Variants in EYS observed in about 807,000 individuals in gnomAD.
EYS encodes the protein EGF-like photoreceptor maintenance factor.
EYS carries 250 observed loss-of-function variants against 282.1 expected under a neutral mutation model. That is an observed-to-expected ratio of 0.89 (90% CI 0.80 to 0.98). The LOEUF (loss-of-function observed/expected upper bound fraction) is 0.98, where lower values mean the gene tolerates loss of function less well. EYS is among the 50% of genes least tolerant of loss of function. EYS has a pLI of 0.00. For synonymous variants in EYS, 1,355 were observed against 1,282.9 expected (o/e 1.06, Z -1.20); for missense variants, 4,016 against 3,709.0 (o/e 1.08, Z -2.15).
intron 12 of EYS, among the ~76,000 whole-genome samples, chr6:65,262,960 C>T (rs1767657123): frequency 6.6e-6 from 1 of 152,082 alleles, no homozygotes; most frequent in Admixed American, 6.6e-5. Flanking sequence ...TAACTCGGGT[C>T]TGTTATGAAG....
chr6:63,753,119 T>C (rs939837991), intron 41 of EYS, among the ~76,000 whole-genome samples: 1 of 112,494 alleles, frequency 8.9e-6, no homozygotes, highest in African/African-American at 3.5e-5. Context: ...CTAAAAAATA[T>C]GTGTGTGTAT....
intron 35 of EYS, among the ~76,000 whole-genome samples, chr6:63,982,785 G>T (rs1283416729): frequency 6.6e-6 from 1 of 151,786 alleles, no homozygotes; most frequent in Admixed American, 6.6e-5. Context: ...CCATAGTAGG[G>T]TATGTTCACC....
chr6:64,513,884 T>C (rs1172971318), intron 26 of EYS, among the ~76,000 whole-genome samples: 1 of 151,848 alleles, frequency 6.6e-6, no homozygotes, highest in Non-Finnish European at 1.5e-5. Flanking sequence ...ATTCTATCTT[T>C]GTAAAAGAGG....
chr6:64,929,534 G>A (rs1240223105), intron 15 of EYS, among the ~76,000 whole-genome samples: 16 of 151,952 alleles, frequency 1.1e-4, no homozygotes, highest in Admixed American at 1.1e-3. Flanking sequence ...TTATCAAAAA[G>A]CAATTTTACT....
At chr6:63,948,840 C>A (rs922317716) in intron 35 of EYS, among the ~76,000 whole-genome samples, 9 of 152,042 alleles carry the variant, frequency 5.9e-5, no homozygotes, top group Admixed American at 1.3e-4. Context: ...TAATTATTTA[C>A]ATACTGTATA....
chr6:65,437,240 C>A (rs1400581200), intron 5 of EYS, among the ~76,000 whole-genome samples: 1 of 151,978 alleles, frequency 6.6e-6, no homozygotes, highest in Non-Finnish European at 1.5e-5. Context: ...CTAACAACTG[C>A]AGTTATGGGT....
At chr6:64,020,606 G>A (rs1769142903) in intron 33 of EYS, among the ~76,000 whole-genome samples, 1 of 152,112 alleles carries the variant, frequency 6.6e-6, no homozygotes, top group Non-Finnish European at 1.5e-5. Context: ...CCTTTCACAT[G>A]TGATATTTTA....
At chr6:64,631,255 G>A (rs914256980) in intron 22 of EYS, 8 of 152,160 alleles carry the variant, frequency 5.3e-5, no homozygotes, top group African/African-American at 1.7e-4. Flanking sequence ...AAAAGAGTTA[G>A]TTTAACTGCT....
chr6:64,802,160 A>T lies in EYS; in HGVS notation c.3443+11218T>A, dbSNP rs545844100. 2.7e-5 allele frequency among the ~76,000 whole-genome samples: 4 copies of T among 149,516 alleles called. No homozygotes were observed. In the South Asian group the frequency reaches 8.5e-4, roughly 32 times the overall value. On this transcript the variant is annotated intron_variant, in intron 22 of 42. Transcript: ENST00000503581. Reference sequence around the variant, plus strand: ...GCCATTCTCCTGCCTCAGCCTCCTGAGTAGCTGGGACTACAGGCGCCCACC... The same window carrying T: ...GCCATTCTCCTGCCTCAGCCTCCTGTGTAGCTGGGACTACAGGCGCCCACC...
At chr6:64,246,610 C>T (rs1312928492) in intron 30 of EYS, among the ~76,000 whole-genome samples, 1 of 152,046 alleles carries the variant, frequency 6.6e-6, no homozygotes, top group Non-Finnish European at 1.5e-5. Context: ...TAATCATCTC[C>T]CTTTCTAGGA....
At chr6:63,887,313 T>TG (rs967051077) in intron 35 of EYS, among the ~76,000 whole-genome samples, 2 of 91,842 alleles carry the variant, frequency 2.2e-5, no homozygotes, top group African/African-American at 1.0e-4. Context: ...GAATAAAAGG[T>TG]GTTTTTTTTT....
chr6:64,162,948 G>C (rs1166324487), intron 31 of EYS, among the ~76,000 whole-genome samples: 1 of 152,086 alleles, frequency 6.6e-6, no homozygotes, highest in African/African-American at 2.4e-5. Context: ...TGTTTAGTGA[G>C]TGCTGTTCTG....
chr6:64,386,465 T>C (rs1049490042), intron 29 of EYS, among the ~76,000 whole-genome samples: 1 of 152,108 alleles, frequency 6.6e-6, no homozygotes, highest in Non-Finnish European at 1.5e-5. Flanking sequence ...TGAGACTTAT[T>C]CACTACCAGG....
intron 31 of EYS, among the ~76,000 whole-genome samples, chr6:64,216,607 C>T (rs568123467): frequency 6.6e-6 from 1 of 152,302 alleles, no homozygotes; most frequent in Admixed American, 6.5e-5. Flanking sequence ...TATACAATTC[C>T]TGCATAACAA....
At chr6:65,018,519 A>G (rs1464346372) in intron 13 of EYS, among the ~76,000 whole-genome samples, 1 of 152,182 alleles carries the variant, frequency 6.6e-6, no homozygotes, top group East Asian at 1.9e-4. Flanking sequence ...TTAATTTAAC[A>G]AATTACATCT....
chr6:65,457,176 T>C (rs1328526578), intron 5 of EYS, among the ~76,000 whole-genome samples: 1 of 152,170 alleles, frequency 6.6e-6, no homozygotes, highest in African/African-American at 2.4e-5. Context: ...TTTATTTATT[T>C]ATTTTTTTAG....
intron 12 of EYS, among the ~76,000 whole-genome samples, chr6:65,222,651 A>G (rs1766499746): frequency 6.6e-6 from 1 of 152,232 alleles, no homozygotes; most frequent in Non-Finnish European, 1.5e-5. Flanking sequence ...TATAACCATG[A>G]AAGTTTTACA....
chr6:65,236,293 C>T (rs1766920910), intron 12 of EYS, among the ~76,000 whole-genome samples: 1 of 152,062 alleles, frequency 6.6e-6, no homozygotes, highest in Admixed American at 6.6e-5. Context: ...TACACCATAA[C>T]CTAAAATTAC....
At chr6:64,111,284 A>C (rs187044333) in intron 31 of EYS, among the ~76,000 whole-genome samples, 2 of 152,080 alleles carry the variant, frequency 1.3e-5, no homozygotes, top group African/African-American at 4.8e-5. Context: ...TATGTTGTAG[A>C]GGCAAATCTC....
Sources: allele counts gnomAD v4.1 joint callset (sites outside exome capture counted in the v4.1 genomes callset), GRCh38; gene constraint gnomAD v4.1.1; transcripts MANE v1.5; gene names NCBI Gene and HGNC (gene_info 2026-07-23, HGNC 2026-07-21).